Variants in FAM135A observed in about 807,000 individuals in gnomAD.
FAM135A encodes the protein protein FAM135A.
Under a neutral mutation model 146.8 loss-of-function variants are expected in FAM135A, and 79 were observed. The observed-to-expected ratio is 0.54, with a 90% CI of 0.45 to 0.65. The LOEUF is 0.65. FAM135A is among the 30% of genes least tolerant of loss of function. The pLI is 0.00. For synonymous variants in FAM135A, 562 were observed against 603.6 expected, an observed-to-expected ratio of 0.93 and a Z score of 1.01; for missense variants, 1,623 against 1,758.2, an observed-to-expected ratio of 0.92 and a Z score of 1.38.
At chr6:70,420,958 T>G (rs1240263311) in intron 2 of FAM135A, among the ~76,000 whole-genome samples, 3 of 152,044 alleles carry the variant, frequency 2.0e-5, no homozygotes, top group Non-Finnish European at 2.9e-5. Context: ...CTCAGCTCAC[T>G]GCAGCCTCAA....
chr6:70,540,258 C>G (rs1582849435), intron 20 of FAM135A, among the ~76,000 whole-genome samples: 1 of 151,470 alleles, frequency 6.6e-6, no homozygotes, highest in South Asian at 2.1e-4. Flanking sequence ...GATGTCTTAT[C>G]CTTCTTTTTC....
At chr6:70,522,369 A>T in intron 12 of FAM135A, 144 bp from the exon 13 acceptor site, 1 of 667,472 alleles carries the variant, frequency 1.5e-6, no homozygotes, top group South Asian at 1.9e-5. Flanking sequence ...TACATTGGCA[A>T]CACTGAAGAG....
intron 12 of FAM135A, among the ~76,000 whole-genome samples, chr6:70,515,991 T>C (rs982257609): frequency 3.9e-5 from 6 of 152,190 alleles, no homozygotes; most frequent in Non-Finnish European, 7.4e-5. Context: ...TTGGTGTCTC[T>C]TTCTATTGGC....
chr6:70,524,153 A>C (rs373407754), intron 14 of FAM135A, 32 bp downstream of exon 14: 1 of 1,563,312 alleles, frequency 6.4e-7, no homozygotes, highest in East Asian at 2.2e-5. Context: ...TATACAAGCT[A>C]TGTGTATAGT....
intron 11 of FAM135A, among the ~76,000 whole-genome samples, chr6:70,495,797 C>T (rs1423982190): frequency 6.6e-6 from 1 of 152,070 alleles, no homozygotes; most frequent in Non-Finnish European, 1.5e-5. Context: ...AGCCCCTCAC[C>T]CCCTGACAGG....
intron 16 of FAM135A, 83 bp from the exon 17 acceptor site, chr6:70,533,061 GGCCATAAGCTTGTCTC>G (rs1796128178): frequency 1.1e-6 from 1 of 874,952 alleles, no homozygotes; most frequent in Non-Finnish European, 1.9e-6. Flanking sequence ...AAATGGCATA[GGCCATAAGCTTGTCTC>G]TAAAAACTGT....
intron 16 of FAM135A, among the ~76,000 whole-genome samples, chr6:70,530,405 A>T (rs562255467): frequency 6.6e-6 from 1 of 152,314 alleles, no homozygotes; most frequent in African/African-American, 2.4e-5. Context: ...TAAAATGAAG[A>T]ATAAAAGAAT....
intron 4 of FAM135A, among the ~76,000 whole-genome samples, chr6:70,447,938 A>T (rs373609264): frequency 2.6e-5 from 4 of 152,224 alleles, no homozygotes; most frequent in South Asian, 4.1e-4. Flanking sequence ...CTCCGATACC[A>T]TCACAGGCCT....
chr6:70,485,057 T>C (rs1784372020), intron 10 of FAM135A, among the ~76,000 whole-genome samples: 1 of 152,222 alleles, frequency 6.6e-6, no homozygotes, highest in African/African-American at 2.4e-5. Flanking sequence ...TAAAATATTT[T>C]ATCAGAAAAT....
At chr6:70,436,384 G>A (rs1773169464) in intron 4 of FAM135A, among the ~76,000 whole-genome samples, 1 of 152,090 alleles carries the variant, frequency 6.6e-6, no homozygotes, top group Admixed American at 6.5e-5. Context: ...GCCCTTCTCT[G>A]TACTCCGCAA....
In FAM135A at chr6:70,559,712, A is replaced by G. The variant is rs1478528775; in HGVS notation, c.4343-4A>G. 1.2e-6 allele frequency: 2 copies of G among 1,608,188 alleles called. No homozygotes were observed. Among genetic ancestry groups the G allele is most frequent in the Non-Finnish European group, 1.7e-6 (2 of 1,176,790 alleles). On this transcript the variant is annotated splice_region_variant and splice_polypyrimidine_tract_variant and intron_variant, in intron 21 of 21. Coordinates refer to ENST00000418814, the MANE Select transcript of FAM135A (RefSeq NM_001162529.3). ...AATTTTCCTTTTTTCTGTTGGTTCC[A>G]TAGGACAGATCTATTCAGAAATGAT...
chr6:70,423,087 T>C (rs1769220910), intron 2 of FAM135A, among the ~76,000 whole-genome samples: 1 of 152,178 alleles, frequency 6.6e-6, no homozygotes, highest in Non-Finnish European at 1.5e-5. Flanking sequence ...GAGTGAGTCC[T>C]GTGGATATCT....
chr6:70,558,365 T>C (rs1801303917), intron 21 of FAM135A, among the ~76,000 whole-genome samples: 1 of 152,250 alleles, frequency 6.6e-6, no homozygotes, highest in Non-Finnish European at 1.5e-5. Context: ...CCATGGACAC[T>C]GTTAGTACTC....
chr6:70,475,328 A>G, intron 5 of FAM135A, 82 bp from the exon 6 acceptor site: 1 of 1,125,470 alleles, frequency 8.9e-7, no homozygotes, highest in South Asian at 1.6e-5. Context: ...AATCAAACAT[A>G]CAGTATTTTA....
Position 70,524,669 on chromosome 6 carries a change from AC to A in FAM135A, c.1586del (p.Thr529LysfsTer37). The A allele has an allele frequency of 6.4e-7, 1 of 1,550,948 alleles. No individual in the cohort carries two copies. Among genetic ancestry groups the A allele is most frequent in the Non-Finnish European group, 8.7e-7 (1 of 1,146,708 alleles). On this transcript the variant is annotated frameshift_variant, in exon 15 of 22. Coordinates refer to ENST00000418814, the MANE Select transcript of FAM135A (RefSeq NM_001162529.3). LOFTEE classifies it high-confidence loss of function. ...VLVGYKCLKS[T>X]ASNDLIKCFE... ...GGTAGGCTACAAATGTTTGAAAAGT[AC>A]AGCATCAAATGATCTCATTAAATGC...
chr6:70,458,732 G>A (rs543880110), intron 5 of FAM135A, among the ~76,000 whole-genome samples: 3 of 152,154 alleles, frequency 2.0e-5, no homozygotes, highest in East Asian at 1.9e-4. Flanking sequence ...TATGACATGC[G>A]TCTCACAAGT....
intron 12 of FAM135A, among the ~76,000 whole-genome samples, chr6:70,508,750 G>T (rs927070380): frequency 1.3e-5 from 2 of 152,046 alleles, no homozygotes; most frequent in African/African-American, 4.8e-5. Flanking sequence ...CAAATACATA[G>T]GGTTGCCAGA....
chr6:70,481,892 A>C (rs1350356558), intron 9 of FAM135A, 109 bp from the exon 10 acceptor site: 2 of 1,052,608 alleles, frequency 1.9e-6, no homozygotes, highest in East Asian at 2.6e-5. Context: ...ATGTATTAGA[A>C]TAAATTTAGT....
intron 10 of FAM135A, among the ~76,000 whole-genome samples, chr6:70,488,402 A>G (rs991046697): frequency 7.9e-5 from 12 of 152,056 alleles, no homozygotes; most frequent in African/African-American, 2.7e-4. Flanking sequence ...GTGTATATGT[A>G]TATTTGAAAA....
Sources: gnomAD v4.1 joint callset for allele counts (sites outside exome capture counted in the v4.1 genomes callset) on GRCh38, gnomAD v4.1.1 for gene constraint, MANE v1.5 for transcripts, NCBI Gene and HGNC (gene_info 2026-07-23, HGNC 2026-07-21) for gene names.